The following CERT1 variants were observed in gnomAD, a reference collection of about 807,000 sequenced individuals.
CERT1 encodes ceramide transfer protein.
Under a neutral mutation model 87.9 loss-of-function variants are expected in CERT1, and 31 were observed. That is an observed-to-expected ratio of 0.35 (90% CI 0.27 to 0.48). CERT1 has a LOEUF of 0.48. Among genes scored for constraint, CERT1 ranks in the 20% least tolerant of loss-of-function variants. CERT1 has a pLI of 0.99. For synonymous variants in CERT1, 289 were observed against 250.9 expected, an observed-to-expected ratio of 1.15 and a Z score of -1.44; for missense variants, 487 against 758.0, an observed-to-expected ratio of 0.64 and a Z score of 4.20.
At chr5:75,390,253 C>T (rs867361167) in intron 11 of CERT1, among the ~76,000 whole-genome samples, 1 of 152,018 alleles carries the variant, frequency 6.6e-6, no homozygotes. Context: ...GGTGAAAAAC[C>T]TTTCTTATGC....
intron 3 of CERT1, among the ~76,000 whole-genome samples, chr5:75,449,241 C>A (rs1190905403): frequency 2.0e-5 from 3 of 151,590 alleles, no homozygotes; most frequent in Admixed American, 2.0e-4. Flanking sequence ...GAAACAGAAA[C>A]TAAGAATAGG....
intron 2 of CERT1, among the ~76,000 whole-genome samples, chr5:75,483,037 C>G (rs1226494034): frequency 3.3e-5 from 5 of 152,184 alleles, no homozygotes; most frequent in African/African-American, 4.8e-5. Flanking sequence ...ACCAAACAAA[C>G]TAAGTAAGGC....
chr5:75,464,215 T>C (rs2112330217), intron 2 of CERT1, among the ~76,000 whole-genome samples: 1 of 151,914 alleles, frequency 6.6e-6, no homozygotes, highest in South Asian at 2.1e-4. Context: ...ATTGGAGAAG[T>C]AAAGGAACTG....
chr5:75,504,896 G>GT (rs1246135324), intron 2 of CERT1, among the ~76,000 whole-genome samples: 1 of 152,126 alleles, frequency 6.6e-6, no homozygotes, highest in Non-Finnish European at 1.5e-5. Flanking sequence ...GTTTATGCCA[G>GT]TTTACTTGTT....
chr5:75,429,398 C>T (rs1430909304), intron 3 of CERT1, among the ~76,000 whole-genome samples: 1 of 151,996 alleles, frequency 6.6e-6, no homozygotes, highest in East Asian at 1.9e-4. Context: ...GACGGGGTTT[C>T]ATTATGTTGG....
intron 2 of CERT1, among the ~76,000 whole-genome samples, chr5:75,495,507 G>A (rs778083752): frequency 2.0e-5 from 3 of 151,756 alleles, no homozygotes; most frequent in African/African-American, 7.3e-5. Flanking sequence ...TCAGTGTGCC[G>A]AGATCACGCC....
chr5:75,499,953 G>A (rs79026678), intron 2 of CERT1, among the ~76,000 whole-genome samples: 167 of 152,230 alleles, frequency 1.1e-3, no homozygotes, highest in Non-Finnish European at 2.0e-3. Flanking sequence ...GCAGCATTGT[G>A]GATTTAATTA....
intron 4 of CERT1, among the ~76,000 whole-genome samples, chr5:75,425,831 G>C (rs948919207): frequency 6.6e-6 from 1 of 152,190 alleles, no homozygotes; most frequent in South Asian, 2.1e-4. Context: ...AAATTGTGTG[G>C]AACAACTGTG....
chr5:75,467,667 A>AAAAAG (rs1554043729), intron 2 of CERT1, among the ~76,000 whole-genome samples: 1 of 149,700 alleles, frequency 6.7e-6, no homozygotes, highest in African/African-American at 2.5e-5. Flanking sequence ...AAAAAAAAAA[A>AAAAAG]GTAGCATAAG....
downstream of CERT1, chr5:75,374,358 C>T (rs1761202718): frequency 5.7e-6 from 3 of 523,354 alleles, no homozygotes; most frequent in East Asian, 9.0e-5. Context: ...ATTAACCTTA[C>T]AAATTTGAAC....
intron 3 of CERT1, among the ~76,000 whole-genome samples, chr5:75,444,566 T>C (rs1367131566): frequency 6.7e-6 from 1 of 149,342 alleles, no homozygotes; most frequent in Non-Finnish European, 1.5e-5. Flanking sequence ...TTTTTTTTTT[T>C]GAGACAGAGT....
chr5:75,458,987 T>G (rs559404773), intron 3 of CERT1, 78 bp downstream of exon 3: 1 of 747,538 alleles, frequency 1.3e-6, no homozygotes, highest in Non-Finnish European at 2.3e-6. Flanking sequence ...TAATGTCACA[T>G]GTCAACTTTT....
chr5:75,398,405 T>G (rs1762341403), intron 11 of CERT1, among the ~76,000 whole-genome samples: 1 of 152,154 alleles, frequency 6.6e-6, no homozygotes, highest in South Asian at 2.1e-4. Flanking sequence ...ATGTGTCAGG[T>G]TCTAGCTAAA....
chr5:75,429,803 A>C (rs1763791050), intron 3 of CERT1, among the ~76,000 whole-genome samples: 1 of 151,572 alleles, frequency 6.6e-6, no homozygotes, highest in Non-Finnish European at 1.5e-5. Flanking sequence ...CTGAAAAGCT[A>C]TCAGAAACTA....
At chr5:75,454,540 C>A (rs1764891717) in intron 3 of CERT1, among the ~76,000 whole-genome samples, 1 of 152,170 alleles carries the variant, frequency 6.6e-6, no homozygotes, top group South Asian at 2.1e-4. Context: ...GCAACATCAA[C>A]AATGCATTTG....
chr5:75,455,314 G>A (rs540642823), intron 3 of CERT1, among the ~76,000 whole-genome samples: 21 of 152,250 alleles, frequency 1.4e-4, no homozygotes, highest in African/African-American at 4.1e-4. Context: ...CTTTTTGCAG[G>A]GAAAATGCTT....
intron 2 of CERT1, among the ~76,000 whole-genome samples, chr5:75,479,941 T>C (rs1025679513): frequency 1.3e-5 from 2 of 152,224 alleles, no homozygotes; most frequent in African/African-American, 2.4e-5. Flanking sequence ...CTCTGCAACC[T>C]TGCCAGCATC....
intron 14 of CERT1, 35 bp downstream of exon 14, chr5:75,384,607 T>A: frequency 6.8e-7 from 1 of 1,461,228 alleles, no homozygotes; most frequent in Non-Finnish European, 9.6e-7. Flanking sequence ...TGAACTACAT[T>A]GAAATCCTTT....
At chr5:75,374,615 G>C, downstream of CERT1, 1 of 675,766 alleles carries the variant, frequency 1.5e-6, no homozygotes, top group Non-Finnish European at 2.7e-6. Context: ...CAGCAGTCAG[G>C]GACATTTCCG....
Sources: allele counts gnomAD v4.1 joint callset (sites outside exome capture counted in the v4.1 genomes callset), GRCh38; gene constraint gnomAD v4.1.1; transcripts MANE v1.5; gene names NCBI Gene and HGNC (gene_info 2026-07-23, HGNC 2026-07-21).